Variants in CERS6 observed in about 807,000 individuals in gnomAD.
CERS6 encodes LAG1 homolog, ceramide synthase 6.
In CERS6, 26 loss-of-function variants were observed where a neutral mutation model predicts 56.8. That is an observed-to-expected ratio of 0.46 (90% CI 0.34 to 0.63). CERS6 has a LOEUF of 0.63. CERS6 is among the 30% of genes least tolerant of loss of function. The probability of loss-of-function intolerance (pLI) is 0.01; values close to 1 mark genes in which losing one functional copy is unlikely to be tolerated. For missense variants in CERS6, 415 were observed against 467.5 expected (o/e 0.89, Z 1.04); for synonymous variants, 164 against 173.3 (o/e 0.95, Z 0.42).
chr2:168,472,985 C>T (rs1413138844), intron 1 of CERS6, among the ~76,000 whole-genome samples: 13 of 152,154 alleles, frequency 8.5e-5, no homozygotes. Flanking sequence ...ACTTGCAGTG[C>T]TTGCATTTGA....
At chr2:168,504,815 A>G (rs1340862407) in intron 1 of CERS6, among the ~76,000 whole-genome samples, 5 of 152,130 alleles carry the variant, frequency 3.3e-5, no homozygotes, top group Admixed American at 6.6e-5. Flanking sequence ...TGGGCTGTCT[A>G]CCAGCCAAAG....
chr2:168,571,578 G>T (rs1695987736), intron 3 of CERS6, among the ~76,000 whole-genome samples: 2 of 152,024 alleles, frequency 1.3e-5, no homozygotes, highest in Admixed American at 6.6e-5. Flanking sequence ...TTATTTGTAG[G>T]CCTTCCCACA....
intron 3 of CERS6, among the ~76,000 whole-genome samples, chr2:168,579,943 C>T (rs549604434): frequency 5.3e-5 from 8 of 152,288 alleles, no homozygotes; most frequent in Admixed American, 5.2e-4. Context: ...CCTAGTGCCC[C>T]CCAATCCATA....
intron 1 of CERS6, among the ~76,000 whole-genome samples, chr2:168,479,489 A>G (rs1350339330): frequency 1.3e-5 from 2 of 152,220 alleles, no homozygotes; most frequent in Admixed American, 6.5e-5. Context: ...TGGGAAGGGC[A>G]CAATGTAAGT....
intron 6 of CERS6, among the ~76,000 whole-genome samples, chr2:168,703,516 C>T (rs1001064608): frequency 6.6e-6 from 1 of 152,136 alleles, no homozygotes; most frequent in South Asian, 2.1e-4. Context: ...CAAGATCACG[C>T]CACTGCACTC....
chr2:168,600,563 C>A (rs889013958), intron 3 of CERS6, among the ~76,000 whole-genome samples: 10 of 152,182 alleles, frequency 6.6e-5, no homozygotes, highest in African/African-American at 2.4e-4. Flanking sequence ...TTGCCCCAGA[C>A]CCTTTTCATA....
chr2:168,499,099 A>G (rs1311449404), intron 1 of CERS6, among the ~76,000 whole-genome samples: 1 of 152,154 alleles, frequency 6.6e-6, no homozygotes, highest in East Asian at 1.9e-4. Flanking sequence ...CTCCTGTAAC[A>G]TTGCCAGAGT....
At chr2:168,482,319 G>A (rs7557806) in intron 1 of CERS6, among the ~76,000 whole-genome samples, 95,262 of 152,134 alleles carry the variant, frequency 0.63, 30,361 homozygotes, top group East Asian at 0.81. Flanking sequence ...TTGGAAGTTC[G>A]TGGAACAAAG....
At chr2:168,666,958 A>G (rs924827933) in intron 4 of CERS6, among the ~76,000 whole-genome samples, 1 of 152,210 alleles carries the variant, frequency 6.6e-6, no homozygotes, top group Non-Finnish European at 1.5e-5. Context: ...ATTGTGCTAT[A>G]TCATGCCAGT....
At chr2:168,610,583 T>C (rs1684163761) in intron 3 of CERS6, among the ~76,000 whole-genome samples, 1 of 152,222 alleles carries the variant, frequency 6.6e-6, no homozygotes, top group Non-Finnish European at 1.5e-5. Flanking sequence ...TATTATTTAA[T>C]AATTTAATGC....
chr2:168,607,398 T>A lies in CERS6; in HGVS notation c.408-23587T>A, dbSNP rs372307165. ...TATCTTTTTTTTGTTTGTTTATTTG[T>A]TTGAGACGGAGTCTTGCTCTGTTGC... On this transcript the variant is annotated intron_variant, in intron 3 of 9. Coordinates refer to ENST00000305747, the MANE Select transcript of CERS6 (RefSeq NM_203463.3). 4.1e-4 allele frequency among the ~76,000 whole-genome samples: 63 copies of A among 152,288 alleles called. 3 individuals are homozygous for A. The South Asian group carries it at 0.012, about 28-fold the overall frequency.
intron 3 of CERS6, among the ~76,000 whole-genome samples, chr2:168,564,672 A>G (rs1263123882): frequency 6.6e-6 from 1 of 152,142 alleles, no homozygotes; most frequent in Non-Finnish European, 1.5e-5. Flanking sequence ...ATGGTGTTCC[A>G]GGCCAGGAAC....
At chr2:168,725,075 G>A (rs534760484) in intron 8 of CERS6, among the ~76,000 whole-genome samples, 40 of 152,352 alleles carry the variant, frequency 2.6e-4, no homozygotes, top group African/African-American at 8.9e-4. Flanking sequence ...GCGAGAAATC[G>A]AGCGCAGCGC....
At chr2:168,512,835 G>C (rs527828564) in intron 1 of CERS6, among the ~76,000 whole-genome samples, 2 of 151,780 alleles carry the variant, frequency 1.3e-5, no homozygotes, top group South Asian at 4.2e-4. Flanking sequence ...GCCCAGCTAA[G>C]TTTTGTATTT....
At chr2:168,673,338 T>C (rs190005337) in intron 4 of CERS6, among the ~76,000 whole-genome samples, 2 of 152,214 alleles carry the variant, frequency 1.3e-5, no homozygotes, top group East Asian at 3.9e-4. Context: ...CCTGATTGTG[T>C]TTAATAAAAG....
chr2:168,712,194 T>C (rs1687108387), intron 6 of CERS6, among the ~76,000 whole-genome samples: 1 of 152,152 alleles, frequency 6.6e-6, no homozygotes, highest in African/African-American at 2.4e-5. Flanking sequence ...TCCCCTTGGG[T>C]AGAAGATTAA....
At chr2:168,588,011 C>T (rs764652377) in intron 3 of CERS6, among the ~76,000 whole-genome samples, 6 of 151,634 alleles carry the variant, frequency 4.0e-5, no homozygotes, top group Admixed American at 1.3e-4. Context: ...ACTGCAGCCT[C>T]GACCTTCTGG....
intron 8 of CERS6, among the ~76,000 whole-genome samples, chr2:168,743,212 G>GTATGTGTGTGTGTGTATATATA (rs1683976394): frequency 7.9e-6 from 1 of 127,256 alleles, no homozygotes; most frequent in African/African-American, 3.0e-5. Context: ...ATGTGTGTGT[G>GTATGTGTGTGTGTGTATATATA]TATGTGTGTG....
At chr2:168,758,674 C>T (rs1447505079) in intron 8 of CERS6, among the ~76,000 whole-genome samples, 1 of 152,154 alleles carries the variant, frequency 6.6e-6, no homozygotes, top group Non-Finnish European at 1.5e-5. Flanking sequence ...ATGTACAGGT[C>T]TGAAAGAATG....
Sources: gnomAD v4.1 joint callset for allele counts (sites outside exome capture counted in the v4.1 genomes callset) on GRCh38, gnomAD v4.1.1 for gene constraint, MANE v1.5 for transcripts, NCBI Gene and HGNC (gene_info 2026-07-23, HGNC 2026-07-21) for gene names.